Variants in PCDHGA3 observed in about 807,000 individuals in gnomAD.
The protein encoded by PCDHGA3 is protocadherin gamma-A3.
Under a neutral mutation model 58.5 loss-of-function variants are expected in PCDHGA3, and 40 were observed. The observed-to-expected ratio is 0.68, with a 90% confidence interval of 0.53 to 0.89. PCDHGA3 has a LOEUF of 0.89. Ranked by LOEUF, PCDHGA3 falls within the 40% of genes least tolerant of loss-of-function variation. PCDHGA3 has a pLI of 0.00. For synonymous variants in PCDHGA3, 530 were observed against 525.7 expected, an observed-to-expected ratio of 1.01 and a Z score of -0.11; for missense variants, 1,223 against 1,195.9, an observed-to-expected ratio of 1.02 and a Z score of -0.33.
Position 141,485,208 on chromosome 5 carries a change from G to T in PCDHGA3, c.2425-9599G>T, listed in dbSNP as rs2099609377. On this transcript the variant is annotated intron_variant, in intron 1 of 3. Coordinates refer to ENST00000253812, the MANE Select transcript of PCDHGA3 (RefSeq NM_018916.4). This position sits in a 1 kb window ranked among gnomAD's most constrained non-coding sequence, Gnocchi z 5.7. ...AAGGTGAGAAGCTGGACAGAAATCT[G>T]GCGGTGGGCTACCCTTTTGTTCCTC... The T allele has an allele frequency of 6.2e-7, 1 of 1,613,998 alleles. No homozygotes were observed. The highest frequency in any genetic ancestry group is 1.3e-5 in the African/African-American group (1 of 74,930).
chr5:141,388,170 T>C (rs756859307), intron 1 of PCDHGA3: 9 of 1,495,754 alleles, frequency 6.0e-6, no homozygotes, highest in Non-Finnish European at 8.3e-6. Flanking sequence ...GGAGGAGATA[T>C]GCGGGAAGAA....
chr5:141,353,376 AT>A (rs1262685545), intron 1 of PCDHGA3, among the ~76,000 whole-genome samples: 1 of 152,236 alleles, frequency 6.6e-6, no homozygotes, highest in East Asian at 1.9e-4. Flanking sequence ...GTAATTATGT[AT>A]TAATGTAATT....
At chr5:141,406,777 C>G (rs1235306644) in intron 1 of PCDHGA3, among the ~76,000 whole-genome samples, 1 of 152,150 alleles carries the variant, frequency 6.6e-6, no homozygotes, top group Non-Finnish European at 1.5e-5. Flanking sequence ...ATTTCTCTCA[C>G]TTATATATTA....
At chr5:141,353,236 C>T (rs937859074) in intron 1 of PCDHGA3, among the ~76,000 whole-genome samples, 4 of 152,144 alleles carry the variant, frequency 2.6e-5, no homozygotes, top group African/African-American at 9.7e-5. Flanking sequence ...TTAGTAATAG[C>T]AGTGCCTTTT....
rs374182078 is a variant in PCDHGA3 at position 141,345,244 on chromosome 5, T to G, written c.1211T>G (p.Leu404Ter). Reference protein sequence around the residue: ...LEKSIDQYYRLVTATSLDREQ... With the variant: ...LEKSIDQYYR ...AAATCAATAGATCAATATTACCGCT[T>G]AGTGACGGCCACATCCCTGGACCGC... is the stretch of plus-strand genomic sequence containing the variant. Residue 404 changes from leucine to a stop codon, truncating the protein, a stop_gained, in exon 1 of 4, where the codon TTA (leucine) becomes TGA (stop). Transcript: ENST00000253812. LOFTEE classifies it high-confidence loss of function. The G allele has an allele frequency of 1.5e-5, 25 of 1,613,966 alleles. No homozygotes were observed. The highest frequency in any genetic ancestry group is 2.0e-5 in the Non-Finnish European group (24 of 1,179,884).
intron 1 of PCDHGA3, chr5:141,394,337 C>T (rs2092979975): frequency 7.4e-6 from 12 of 1,614,148 alleles, no homozygotes; most frequent in Non-Finnish European, 1.0e-5. Flanking sequence ...TCTCCATCAA[C>T]TCTGACACCG....
chr5:141,410,909 A>G lies in PCDHGA3; in HGVS notation c.2424+64452A>G, dbSNP rs183334545. Reference sequence around the variant, plus strand: ...CGCACTGTTGCCTAGGCTGGAGTGCAGTGGCGTGATCTCTGCTCACTGCAA... The same window carrying G: ...CGCACTGTTGCCTAGGCTGGAGTGCGGTGGCGTGATCTCTGCTCACTGCAA... On this transcript the variant is annotated intron_variant, in intron 1 of 3. Coordinates refer to ENST00000253812, the MANE Select transcript of PCDHGA3 (RefSeq NM_018916.4). 188 of 259,978 alleles carry G rather than the reference A, an allele frequency of 7.2e-4. 1 individual carries two copies. Among genetic ancestry groups the G allele is most frequent in the African/African-American group, 5.3e-3 (172 of 32,394 alleles). The allele number at this position is 259,978 out of a possible 1,614,324, so 16.1% of individuals were successfully genotyped here.
At chr5:141,348,113 G>T (rs1177514641) in intron 1 of PCDHGA3, among the ~76,000 whole-genome samples, 1 of 152,172 alleles carries the variant, frequency 6.6e-6, no homozygotes, top group Non-Finnish European at 1.5e-5. Flanking sequence ...TGCAATTTAT[G>T]AAATTATTTT....
chr5:141,427,710 G>T, intron 1 of PCDHGA3: 2 of 1,033,628 alleles, frequency 1.9e-6, no homozygotes, highest in South Asian at 2.6e-5. Context: ...CAGCGCCTCT[G>T]ACCTGGACCT....
At chr5:141,394,991 G>C (rs1282662717) in intron 1 of PCDHGA3, 1 of 1,614,012 alleles carries the variant, frequency 6.2e-7, no homozygotes, top group East Asian at 2.2e-5. Flanking sequence ...GCCTGCTCCA[G>C]GATTCCGGTG....
At chr5:141,466,281 C>T (rs555506496) in intron 1 of PCDHGA3, among the ~76,000 whole-genome samples, 76 of 152,252 alleles carry the variant, frequency 5.0e-4, no homozygotes, top group African/African-American at 1.7e-3. Context: ...AGCAATCTTC[C>T]CACCTCAGGC....
At chr5:141,423,342 C>A in intron 1 of PCDHGA3, 1 of 1,613,824 alleles carries the variant, frequency 6.2e-7, no homozygotes, top group South Asian at 1.1e-5. Flanking sequence ...CCTGCATCTT[C>A]CTGGTCTTTG....
At chr5:141,497,079 C>T (rs564690352) in intron 2 of PCDHGA3, among the ~76,000 whole-genome samples, 2 of 151,982 alleles carry the variant, frequency 1.3e-5, no homozygotes, top group African/African-American at 4.8e-5. Flanking sequence ...ATCCCAGCGA[C>T]TTAGGAGGCT....
chr5:141,360,337 G>A (rs752357718), intron 1 of PCDHGA3: 1 of 1,613,974 alleles, frequency 6.2e-7, no homozygotes, highest in East Asian at 2.2e-5. Context: ...GAAGCTGCGG[G>A]TTAGCGCGGA....
chr5:141,430,754 A>G (rs778266116), intron 1 of PCDHGA3: 26 of 1,503,884 alleles, frequency 1.7e-5, no homozygotes, highest in East Asian at 4.6e-5. Flanking sequence ...CTGGAGGAAG[A>G]TAAGAATGAT....
intron 1 of PCDHGA3, chr5:141,415,230 A>G (rs1222982593): frequency 6.2e-7 from 1 of 1,614,050 alleles, no homozygotes; most frequent in Non-Finnish European, 8.5e-7. Context: ...TCGAGTCTCC[A>G]GCTAACTCTG....
At chr5:141,384,723 G>A (rs1780414266) in intron 1 of PCDHGA3, 1 of 1,614,142 alleles carries the variant, frequency 6.2e-7, no homozygotes, top group Non-Finnish European at 8.5e-7. Flanking sequence ...CATACCTCCT[G>A]CTTAAGGCCA....
chr5:141,433,313 C>T (rs2097582516), intron 1 of PCDHGA3: 5 of 866,388 alleles, frequency 5.8e-6, no homozygotes, highest in Admixed American at 2.8e-5. Context: ...CCCACCTTTG[C>T]CTCCGGTGTA....
intron 1 of PCDHGA3, among the ~76,000 whole-genome samples, chr5:141,483,631 T>C (rs973545851): frequency 2.7e-5 from 4 of 149,022 alleles, no homozygotes; most frequent in African/African-American, 1.0e-4. Flanking sequence ...TGGGAGAAGG[T>C]ATAGAGGGGT....
Sources: gnomAD v4.1 joint callset for allele counts (sites outside exome capture counted in the v4.1 genomes callset) on GRCh38, gnomAD v4.1.1 for gene constraint, Gnocchi (gnomAD v3.1) non-coding constraint, MANE v1.5 for transcripts, NCBI Gene and HGNC (gene_info 2026-07-23, HGNC 2026-07-21) for gene names.